Variants in PTPRT observed in about 807,000 individuals in gnomAD.
PTPRT encodes the protein receptor-type tyrosine-protein phosphatase T.
PTPRT carries 56 observed loss-of-function variants against 176.8 expected under a neutral mutation model. The ratio of observed to expected loss-of-function variants is 0.32; its 90% confidence interval spans 0.26 to 0.40. PTPRT has a LOEUF of 0.40. Among genes scored for constraint, PTPRT ranks in the 10% least tolerant of loss-of-function variants. PTPRT has a pLI of 1.00. For synonymous variants in PTPRT, 783 were observed against 739.0 expected, an observed-to-expected ratio of 1.06 and a Z score of -0.96; for missense variants, 1,540 against 1,908.2, an observed-to-expected ratio of 0.81 and a Z score of 3.60.
intron 9 of PTPRT, among the ~76,000 whole-genome samples, chr20:42,424,637 T>C (rs2059147312): frequency 6.6e-6 from 1 of 152,070 alleles, no homozygotes; most frequent in Non-Finnish European, 1.5e-5. Flanking sequence ...TCTATGAGGA[T>C]GGATGCAGCA....
chr20:42,910,923 G>A (rs2079535602), intron 1 of PTPRT, among the ~76,000 whole-genome samples: 1 of 152,098 alleles, frequency 6.6e-6, no homozygotes, highest in African/African-American at 2.4e-5. Context: ...GAGGAAACAA[G>A]GCACCTTCTT....
chr20:42,127,633 T>G (rs760301275), intron 19 of PTPRT, among the ~76,000 whole-genome samples: 2 of 152,228 alleles, frequency 1.3e-5, no homozygotes, highest in Non-Finnish European at 2.9e-5. Context: ...GGGACCAGTA[T>G]GAATCTCTGT....
intron 16 of PTPRT, among the ~76,000 whole-genome samples, chr20:42,164,455 A>C (rs1217524121): frequency 1.3e-5 from 2 of 152,340 alleles, no homozygotes; most frequent in Middle Eastern, 3.4e-3. Flanking sequence ...CAATAATGTC[A>C]ATGCCAGTGC....
chr20:42,339,016 G>A (rs1047272951), intron 11 of PTPRT, among the ~76,000 whole-genome samples: 1 of 152,272 alleles, frequency 6.6e-6, no homozygotes, highest in South Asian at 2.1e-4. Flanking sequence ...TGAGTGACGC[G>A]TGCATATTGC....
intron 17 of PTPRT, among the ~76,000 whole-genome samples, chr20:42,160,241 G>C (rs1250773530): frequency 1.3e-5 from 2 of 151,682 alleles, no homozygotes; most frequent in Non-Finnish European, 2.9e-5. Context: ...GGAGGGAAGG[G>C]AGAGACAGGA....
At chr20:42,715,103 T>C (rs1471225348) in intron 6 of PTPRT, among the ~76,000 whole-genome samples, 1 of 152,160 alleles carries the variant, frequency 6.6e-6, no homozygotes, top group Non-Finnish European at 1.5e-5. Context: ...TGAAGATAAC[T>C]GATAAGCCAA....
chr20:42,949,225 T>C (rs999052410), intron 1 of PTPRT, among the ~76,000 whole-genome samples: 1 of 152,204 alleles, frequency 6.6e-6, no homozygotes, highest in African/African-American at 2.4e-5. Context: ...TACTCTCCCT[T>C]TGCATCTGCT....
chr20:42,710,387 C>A (rs546198966), intron 6 of PTPRT, among the ~76,000 whole-genome samples: 1 of 152,328 alleles, frequency 6.6e-6, no homozygotes, highest in Admixed American at 6.5e-5. Flanking sequence ...TTCTGCCCTG[C>A]CCAGCCTCAG....
chr20:42,221,217 T>G (rs1016709872), intron 15 of PTPRT, among the ~76,000 whole-genome samples: 3 of 152,124 alleles, frequency 2.0e-5, no homozygotes, highest in South Asian at 2.1e-4. Context: ...TTGGCCAGGG[T>G]GGTCTTGAAC....
intron 12 of PTPRT, among the ~76,000 whole-genome samples, chr20:42,284,756 G>A (rs2057200511): frequency 6.6e-6 from 1 of 151,850 alleles, no homozygotes. Context: ...TTCGGAACAA[G>A]TGTTTTCTTC....
chr20:42,228,445 A>C (rs563597263), intron 15 of PTPRT, among the ~76,000 whole-genome samples: 3 of 152,240 alleles, frequency 2.0e-5, no homozygotes, highest in African/African-American at 4.8e-5. Flanking sequence ...CAAATCTATC[A>C]GTACACATGG....
intron 13 of PTPRT, among the ~76,000 whole-genome samples, chr20:42,259,160 CTA>C (rs542506642): frequency 1.5e-3 from 221 of 152,324 alleles, no homozygotes; most frequent in African/African-American, 5.1e-3. Flanking sequence ...TCTCCTGAAT[CTA>C]TGCTTCCAGA....
At chr20:42,808,216 C>T (rs1213847284) in intron 2 of PTPRT, among the ~76,000 whole-genome samples, 1 of 152,196 alleles carries the variant, frequency 6.6e-6, no homozygotes, top group Non-Finnish European at 1.5e-5. Flanking sequence ...CCCTTCCTTC[C>T]CTTCCATAGC....
chr20:42,955,517 C>T (rs1436928290), intron 1 of PTPRT, among the ~76,000 whole-genome samples: 1 of 152,170 alleles, frequency 6.6e-6, no homozygotes, highest in Non-Finnish European at 1.5e-5. Flanking sequence ...GCCTCAATTG[C>T]CATGACTGAG....
At chr20:42,621,741 A>G (rs971612005) in intron 7 of PTPRT, among the ~76,000 whole-genome samples, 1 of 152,156 alleles carries the variant, frequency 6.6e-6, no homozygotes, top group African/African-American at 2.4e-5. Context: ...GAATTAAACT[A>G]CTACCTAGAT....
At chr20:42,045,638 T>A in the PTPRT span, among the ~76,000 whole-genome samples, 2 of 146,476 alleles carry the variant, frequency 1.4e-5, no homozygotes, top group Non-Finnish European at 3.0e-5. Flanking sequence ...ATTCAGTGCC[T>A]GTACAAGTGG....
chr20:42,916,737 G>GT lies in PTPRT; in HGVS notation c.89-30806dup, dbSNP rs1354187911. On this transcript the variant is annotated intron_variant, in intron 1 of 30. Transcript: ENST00000373187. Reference sequence around the variant, plus strand: ...CCAGTGATGGTGAGCATTTTTTCATGTTTTTTTTGATTGCATAAATGTCTT... The same window carrying GT: ...CCAGTGATGGTGAGCATTTTTTCATGTTTTTTTTTGATTGCATAAATGTCTT... Among the ~76,000 whole-genome samples, 788 of 152,026 alleles carry GT rather than the reference G, an allele frequency of 5.2e-3. 4 individuals carry two copies. The highest frequency in any genetic ancestry group is 0.017 in the African/African-American group (722 of 41,482).
intron 15 of PTPRT, among the ~76,000 whole-genome samples, chr20:42,206,124 G>A (rs1190946289): frequency 6.6e-6 from 1 of 152,146 alleles, no homozygotes; most frequent in Non-Finnish European, 1.5e-5. Flanking sequence ...TTCCAGATTA[G>A]AAGGGCAAAT....
chr20:42,369,474 A>G lies in PTPRT; in HGVS notation c.1561-17189T>C, dbSNP rs184633515. Among the ~76,000 whole-genome samples, 15 of 152,314 alleles carry G rather than the reference A, an allele frequency of 9.8e-5. No homozygotes were observed. In the East Asian group the frequency reaches 2.3e-3, roughly 24 times the overall value. On this transcript the variant is annotated intron_variant, in intron 9 of 30. Coordinates refer to ENST00000373187, the MANE Select transcript of PTPRT (RefSeq NM_007050.6). ...GCAGGCTACTTCTCCCAGCTCCTGA[A>G]CCACCATTGCTGTTATAGAGTCAAT...
Sources: gnomAD v4.1 joint callset for allele counts (sites outside exome capture counted in the v4.1 genomes callset) on GRCh38, gnomAD v4.1.1 for gene constraint, MANE v1.5 for transcripts, NCBI Gene and HGNC (gene_info 2026-07-23, HGNC 2026-07-21) for gene names.